The following NELL1 variants were observed in gnomAD, a reference collection of about 807,000 sequenced individuals.
NELL1 encodes protein kinase C-binding protein NELL1.
NELL1 carries 76 observed loss-of-function variants against 107.4 expected under a neutral mutation model. The observed-to-expected ratio is 0.71, with a 90% CI of 0.59 to 0.86. NELL1 has a LOEUF of 0.86. Ranked by LOEUF, NELL1 falls within the 40% of genes least tolerant of loss-of-function variation. NELL1 has a pLI of 0.00. For synonymous variants in NELL1, 353 were observed against 341.2 expected, an observed-to-expected ratio of 1.03 and a Z score of -0.38; for missense variants, 1,024 against 1,005.5, an observed-to-expected ratio of 1.02 and a Z score of -0.25.
At chr11:21,385,333 G>A (rs551371439) in intron 15 of NELL1, among the ~76,000 whole-genome samples, 1 of 151,954 alleles carries the variant, frequency 6.6e-6, no homozygotes, top group East Asian at 1.9e-4. Flanking sequence ...ACAAGAAGAA[G>A]CTCTTTTAGT....
At chr11:21,220,436 T>G (rs1857726202) in intron 13 of NELL1, among the ~76,000 whole-genome samples, 1 of 152,172 alleles carries the variant, frequency 6.6e-6, no homozygotes. Context: ...TAATAGCTAT[T>G]GCATTGAATC....
At chr11:20,937,429 T>C (rs76657477) in intron 9 of NELL1, among the ~76,000 whole-genome samples, 174 of 152,336 alleles carry the variant, frequency 1.1e-3, no homozygotes, top group African/African-American at 4.1e-3. Flanking sequence ...TCATTTTAGC[T>C]GGAGTGTCTG....
intron 13 of NELL1, among the ~76,000 whole-genome samples, chr11:21,210,723 T>TG (rs1484612676): frequency 6.6e-6 from 1 of 152,212 alleles, no homozygotes; most frequent in Non-Finnish European, 1.5e-5. Context: ...AGAAAGCCTC[T>TG]GAAGCCTCGG....
intron 15 of NELL1, among the ~76,000 whole-genome samples, chr11:21,420,555 G>A (rs187440257): frequency 6.6e-6 from 1 of 152,200 alleles, no homozygotes; most frequent in East Asian, 1.9e-4. Flanking sequence ...CTGGGAATTG[G>A]CACCATAAAA....
chr11:21,288,921 C>G (rs1020378294), intron 14 of NELL1, among the ~76,000 whole-genome samples: 3 of 152,154 alleles, frequency 2.0e-5, no homozygotes, highest in Non-Finnish European at 4.4e-5. Context: ...TTTTGATCTC[C>G]TCACAGCAAT....
chr11:20,922,905 G>A (rs1215627023), intron 7 of NELL1, among the ~76,000 whole-genome samples: 3 of 152,126 alleles, frequency 2.0e-5, no homozygotes, highest in Non-Finnish European at 4.4e-5. Context: ...TTGTTGCACG[G>A]CACACAAATG....
chr11:21,059,693 C>A (rs1298614038), intron 12 of NELL1, among the ~76,000 whole-genome samples: 1 of 152,054 alleles, frequency 6.6e-6, no homozygotes, highest in Non-Finnish European at 1.5e-5. Flanking sequence ...CTCTTCTATG[C>A]CCTATAGGAC....
intron 16 of NELL1, among the ~76,000 whole-genome samples, chr11:21,546,801 T>C (rs985197633): frequency 6.6e-6 from 1 of 152,048 alleles, no homozygotes; most frequent in Non-Finnish European, 1.5e-5. Flanking sequence ...AAATGAATAT[T>C]GAATAGTTTT....
At chr11:21,521,307 C>A (rs1290720494) in intron 15 of NELL1, among the ~76,000 whole-genome samples, 1 of 152,010 alleles carries the variant, frequency 6.6e-6, no homozygotes, top group Non-Finnish European at 1.5e-5. Context: ...TTCTAAATAT[C>A]GTATTTTGAT....
chr11:21,374,789 C>T (rs984589881), intron 15 of NELL1, among the ~76,000 whole-genome samples: 1 of 151,930 alleles, frequency 6.6e-6, no homozygotes, highest in Non-Finnish European at 1.5e-5. Context: ...ATCTTGTACT[C>T]TTGATCATGG....
intron 15 of NELL1, among the ~76,000 whole-genome samples, chr11:21,379,804 G>C (rs77804170): frequency 6.6e-6 from 1 of 151,994 alleles, no homozygotes; most frequent in Non-Finnish European, 1.5e-5. Flanking sequence ...AATTTACCAG[G>C]TAAAAAGAAT....
intron 15 of NELL1, among the ~76,000 whole-genome samples, chr11:21,393,063 G>T (rs758679035): frequency 2.0e-5 from 3 of 151,332 alleles, no homozygotes; most frequent in Non-Finnish European, 3.0e-5. Flanking sequence ...AAGTGATTTG[G>T]ACGTGAGCTT....
Position 21,318,924 on chromosome 11 carries a change from TG to T in NELL1, c.1550-51928del, listed in dbSNP as rs1432441221. Among the ~76,000 whole-genome samples, 3 of 152,168 alleles carry T rather than the reference TG, an allele frequency of 2.0e-5. No individual in the cohort carries two copies. In the East Asian group the frequency reaches 5.8e-4, roughly 29 times the overall value. ...AACCATAGTAAATGGCTAGGCTTTT[TG>T]TCCCTCAGTGTATTCATCTGTGAAA... On this transcript the variant is annotated intron_variant, in intron 14 of 19. Coordinates refer to ENST00000357134, the MANE Select transcript of NELL1 (RefSeq NM_006157.5).
intron 12 of NELL1, among the ~76,000 whole-genome samples, chr11:21,058,060 G>A (rs1853653100): frequency 6.6e-6 from 1 of 152,006 alleles, no homozygotes; most frequent in Admixed American, 6.6e-5. Flanking sequence ...AAATGTCACT[G>A]TGTACAAGGC....
chr11:21,573,521 C>G, intron 19 of NELL1, 112 bp downstream of exon 19: 2 of 893,290 alleles, frequency 2.2e-6, no homozygotes, highest in Admixed American at 4.0e-5. Context: ...ATGGTGGAAA[C>G]TCTGGCATAC....
chr11:21,489,394 A>G (rs906423240), intron 15 of NELL1, among the ~76,000 whole-genome samples: 2 of 146,828 alleles, frequency 1.4e-5, no homozygotes, highest in African/African-American at 4.9e-5. Context: ...AAAAAAAAAA[A>G]AAAAAAAAAA....
chr11:21,309,910 GT>G (rs1262204846), intron 14 of NELL1, among the ~76,000 whole-genome samples: 1 of 152,040 alleles, frequency 6.6e-6, no homozygotes, highest in Non-Finnish European at 1.5e-5. Flanking sequence ...ACAATTCAAG[GT>G]GAGATTTTGG....
chr11:21,230,618 T>G (rs1858023046), intron 14 of NELL1, among the ~76,000 whole-genome samples: 1 of 152,196 alleles, frequency 6.6e-6, no homozygotes, highest in Admixed American at 6.5e-5. Flanking sequence ...AGATACATAG[T>G]AAACACATTG....
chr11:20,690,758 C>T (rs1409108954), intron 2 of NELL1, among the ~76,000 whole-genome samples: 2 of 151,814 alleles, frequency 1.3e-5, no homozygotes, highest in Non-Finnish European at 1.5e-5. Flanking sequence ...ATTGACTTGG[C>T]GATGTGGGCT....
Sources: gnomAD v4.1 joint callset for allele counts (sites outside exome capture counted in the v4.1 genomes callset) on GRCh38, gnomAD v4.1.1 for gene constraint, MANE v1.5 for transcripts, NCBI Gene and HGNC (gene_info 2026-07-23, HGNC 2026-07-21) for gene names.